The following TTLL11 variants were observed in gnomAD, a reference collection of about 807,000 sequenced individuals.
The protein encoded by TTLL11 is tubulin tyrosine ligase like 11, also known as tubulin polyglutamylase TTLL11.
A neutral mutation model predicts 51.7 loss-of-function variants in TTLL11; 42 were observed. The ratio of observed to expected loss-of-function variants is 0.81; its 90% CI spans 0.64 to 1.05. The LOEUF (loss-of-function observed/expected upper bound fraction) is 1.05. Ranked by LOEUF, TTLL11 falls within the 50% of genes least tolerant of loss-of-function variation. The pLI, the probability that TTLL11 is intolerant of heterozygous loss-of-function variation, is 0.00. For synonymous variants in TTLL11, 381 were observed against 383.5 expected (o/e 0.99, Z 0.08); for missense variants, 799 against 940.4 (o/e 0.85, Z 1.97).
chr9:122,012,686 A>ACACG (rs1843844940), intron 3 of TTLL11, among the ~76,000 whole-genome samples: 1 of 151,850 alleles, frequency 6.6e-6, no homozygotes, highest in African/African-American at 2.4e-5. Context: ...ACGCACACAC[A>ACACG]CACACACACA....
intron 2 of TTLL11, 138 bp downstream of exon 2, chr9:122,039,134 A>G: frequency 1.5e-6 from 1 of 674,782 alleles, no homozygotes; most frequent in Non-Finnish European, 2.5e-6. Context: ...TAAAACCTTA[A>G]TGGCTAGTGA....
chr9:121,848,075 C>A (rs995047751), intron 8 of TTLL11, among the ~76,000 whole-genome samples: 2 of 151,968 alleles, frequency 1.3e-5, no homozygotes, highest in Admixed American at 6.6e-5. Flanking sequence ...GGTGTGGGGG[C>A]ACATGCCTGT....
At chr9:121,826,217 T>TATATATATATATATATATAC (rs1491163835) in intron 8 of TTLL11, among the ~76,000 whole-genome samples, 13 of 58,102 alleles carry the variant, frequency 2.2e-4, no homozygotes, top group African/African-American at 2.2e-4. Flanking sequence ...TATATATATA[T>TATATATATATATATATATAC]GCACACATAT....
intron 1 of TTLL11, among the ~76,000 whole-genome samples, chr9:122,081,974 C>T (rs1846013133): frequency 6.6e-6 from 1 of 152,170 alleles, no homozygotes; most frequent in African/African-American, 2.4e-5. Flanking sequence ...AAAGTTTAAC[C>T]TTGTTGACAA....
intron 3 of TTLL11, among the ~76,000 whole-genome samples, chr9:122,001,178 T>C (rs1394053281): frequency 2.0e-5 from 3 of 152,254 alleles, no homozygotes; most frequent in South Asian, 2.1e-4. Context: ...TCATTGCAAC[T>C]GCGGCCTCCG....
intron 6 of TTLL11, among the ~76,000 whole-genome samples, chr9:121,911,833 T>C (rs1840131848): frequency 1.3e-5 from 2 of 152,138 alleles, no homozygotes; most frequent in South Asian, 4.1e-4. Context: ...CTAATGTAGA[T>C]GATGGGTTGA....
chr9:121,870,757 C>T lies in TTLL11; in HGVS notation c.1482-9G>A. 1.3e-6 allele frequency: 2 copies of T among 1,532,230 alleles called. No individual in the cohort carries two copies. Among genetic ancestry groups the T allele is most frequent in the Non-Finnish European group, 1.8e-6 (2 of 1,136,346 alleles). 94.9% of individuals were successfully genotyped at this position (1,532,230 alleles called of 1,614,324 possible). ...TTTCAAGCTGCTGAGACCTGAAGCA[C>T]ACAAAGAATTAATGATATAACACTT... is the stretch of plus-strand genomic sequence containing the variant. On this transcript the variant is annotated splice_polypyrimidine_tract_variant and intron_variant, in intron 6 of 8. Coordinates refer to ENST00000321582, the MANE Select transcript of TTLL11 (RefSeq NM_001139442.2).
chr9:121,889,004 G>A (rs1267355418), intron 6 of TTLL11, among the ~76,000 whole-genome samples: 2 of 152,194 alleles, frequency 1.3e-5, no homozygotes, highest in African/African-American at 2.4e-5. Context: ...GCTAGAGCAT[G>A]GATTTTAGTC....
At chr9:121,858,975 C>A (rs1837915722) in intron 8 of TTLL11, among the ~76,000 whole-genome samples, 1 of 152,150 alleles carries the variant, frequency 6.6e-6, no homozygotes, top group Non-Finnish European at 1.5e-5. Flanking sequence ...AGGGAGGCAG[C>A]CAGAAGAGGG....
chr9:122,021,938 T>C (rs1844193364), intron 3 of TTLL11, among the ~76,000 whole-genome samples: 1 of 152,122 alleles, frequency 6.6e-6, no homozygotes, highest in African/African-American at 2.4e-5. Context: ...TTCAAAAAGT[T>C]AAGTAGAAAT....
At chr9:121,986,358 G>C (rs1434105534) in intron 4 of TTLL11, among the ~76,000 whole-genome samples, 2 of 152,224 alleles carry the variant, frequency 1.3e-5, no homozygotes, top group African/African-American at 4.8e-5. Context: ...CCACATGATA[G>C]TCCTAGAATA....
Position 121,823,318 on chromosome 9 carries a change from C to T in TTLL11, c.1841-439G>A, listed in dbSNP as rs574163152. 3.3e-5 allele frequency among the ~76,000 whole-genome samples: 5 copies of T among 152,250 alleles called. No individual in the cohort carries two copies. The East Asian group carries it at 5.8e-4, about 18-fold the overall frequency. On this transcript the variant is annotated intron_variant, in intron 8 of 8. Transcript: ENST00000321582. ...CCCAGCACTTTGGGAGGCCGAGGTGCGTGGATCACTTGAGGTCAGTAGTTC... is the reference window on the plus strand; with the variant it reads ...CCCAGCACTTTGGGAGGCCGAGGTGTGTGGATCACTTGAGGTCAGTAGTTC...
chr9:121,907,244 G>C (rs1455033826), intron 6 of TTLL11, among the ~76,000 whole-genome samples: 1 of 152,078 alleles, frequency 6.6e-6, no homozygotes, highest in Non-Finnish European at 1.5e-5. Flanking sequence ...GAGGTCAGGG[G>C]TTCGAGACCA....
At chr9:121,942,355 A>G (rs1020355438) in intron 6 of TTLL11, among the ~76,000 whole-genome samples, 4 of 152,120 alleles carry the variant, frequency 2.6e-5, no homozygotes, top group African/African-American at 9.7e-5. Flanking sequence ...TCCATTCTCA[A>G]ATAGTTTCCC....
Position 121,989,503 on chromosome 9 carries a change from TAG to T in TTLL11, c.959_960del (p.Ser320Ter). 6.2e-7 allele frequency: 1 copy of T among 1,614,120 alleles called. No individual in the cohort carries two copies. The highest frequency in any genetic ancestry group is 2.2e-5 in the East Asian group (1 of 44,866). ...LEIYIAKDGLSRFCTEPYQEP... is the reference protein window; with the variant it reads ...LEIYIAKDGLXRFCTEPYQEP... ...TCCTGATATGGCTCGGTACAAAACC[TAG>T]AGAGTCCGTCTTTGGCTATATAAAT... On this transcript the variant is annotated frameshift_variant, in exon 4 of 9. Coordinates refer to ENST00000321582, the MANE Select transcript of TTLL11 (RefSeq NM_001139442.2). LOFTEE classifies it high-confidence loss of function. The surrounding 1 kb of genome is among the most constrained non-coding windows in gnomAD (Gnocchi z 4.2).
intron 1 of TTLL11, among the ~76,000 whole-genome samples, chr9:122,056,014 C>T (rs1661893674): frequency 6.6e-6 from 1 of 152,222 alleles, no homozygotes; most frequent in African/African-American, 2.4e-5. Flanking sequence ...AGCCTATTTC[C>T]CCATTTGCCA....
chr9:122,053,894 T>C (rs1845226937), intron 1 of TTLL11, among the ~76,000 whole-genome samples: 1 of 151,816 alleles, frequency 6.6e-6, no homozygotes, highest in African/African-American at 2.4e-5. Context: ...AGCCTTCCAA[T>C]GTAATAAAGG....
chr9:121,829,282 A>G (rs1307601573), intron 8 of TTLL11, among the ~76,000 whole-genome samples: 1 of 152,080 alleles, frequency 6.6e-6, no homozygotes, highest in African/African-American at 2.4e-5. Context: ...AAATTTTTAA[A>G]AAGAAAATCT....
Position 121,978,449 on chromosome 9 carries a change from C to CTGTA in TTLL11, c.1270-3471_1270-3470insTACA, listed in dbSNP as rs962797387. On this transcript the variant is annotated intron_variant, in intron 4 of 8. Coordinates refer to ENST00000321582, the MANE Select transcript of TTLL11 (RefSeq NM_001139442.2). ...TAAACTGGGGTTCCCAAGGAAAAAG[C>CTGTA]TTTATTTATTTATTTATTTATTTAT... Among the ~76,000 whole-genome samples, 6 of 148,350 alleles carry CTGTA rather than the reference C, an allele frequency of 4.0e-5. No homozygotes were observed. In the East Asian group the frequency reaches 1.2e-3, roughly 30 times the overall value.
Sources: allele counts gnomAD v4.1 joint callset (sites outside exome capture counted in the v4.1 genomes callset), GRCh38; gene constraint gnomAD v4.1.1; non-coding constraint Gnocchi (gnomAD v3.1); transcripts MANE v1.5; gene names NCBI Gene and HGNC (gene_info 2026-07-23, HGNC 2026-07-21).